SNX8: variants seen among roughly 807,000 people sequenced by gnomAD.
SNX8 encodes sorting nexin-8.
SNX8 carries 25 observed loss-of-function variants against 51.6 expected under a neutral mutation model. The ratio of observed to expected loss-of-function variants is 0.48; its 90% CI spans 0.35 to 0.68. The LOEUF (loss-of-function observed/expected upper bound fraction) is 0.68. SNX8 is among the 30% of genes least tolerant of loss of function. The pLI, the probability that SNX8 is intolerant of heterozygous loss-of-function variation, is 0.00. For missense variants in SNX8, 695 were observed against 624.0 expected (o/e 1.11, Z -1.21); for synonymous variants, 324 against 277.0 (o/e 1.17, Z -1.68).
chr7:2,339,196 G>A (rs1354652193), intron 1 of SNX8, among the ~76,000 whole-genome samples: 1 of 150,872 alleles, frequency 6.6e-6, no homozygotes, highest in Non-Finnish European at 1.5e-5. Context: ...GAGCCATTGT[G>A]CCCAGCCTTA....
chr7:2,326,651 GTCT>G (rs1778627472), intron 1 of SNX8, among the ~76,000 whole-genome samples: 2 of 151,908 alleles, frequency 1.3e-5, no homozygotes, highest in East Asian at 3.9e-4. Flanking sequence ...GGGCGACAGA[GTCT>G]CACTCCATCT....
chr7:2,336,489 A>G (rs571375273), intron 1 of SNX8, among the ~76,000 whole-genome samples: 9 of 152,124 alleles, frequency 5.9e-5, no homozygotes, highest in Non-Finnish European at 1.2e-4. Context: ...CAGGCAGATC[A>G]TGAGGTCAGG....
At chr7:2,261,113 G>C (rs1274158369) in intron 7 of SNX8, among the ~76,000 whole-genome samples, 1 of 152,174 alleles carries the variant, frequency 6.6e-6, no homozygotes, top group Non-Finnish European at 1.5e-5. Context: ...CACTGAGCTT[G>C]GGGGAAAGGG....
intron 5 of SNX8, among the ~76,000 whole-genome samples, chr7:2,269,035 A>C (rs1377956745): frequency 7.4e-6 from 1 of 135,380 alleles, no homozygotes; most frequent in East Asian, 2.2e-4. Context: ...GGTGTGCCCA[A>C]CAGCTCATTG....
intron 1 of SNX8, among the ~76,000 whole-genome samples, chr7:2,339,333 G>A (rs1192733458): frequency 2.6e-5 from 4 of 152,048 alleles, no homozygotes; most frequent in Admixed American, 1.3e-4. Flanking sequence ...AGCCTCCCGA[G>A]TAGCTGGGAC....
At position 2,257,066 on chromosome 7, in the gene SNX8, G is replaced by A. The variant is rs142012431; in HGVS notation, c.1135-43C>T. ...GCCTTTCGCACCCGGCCCAGCCGGC[G>A]ACGGGAGCACCAAGGCCCGAACACC... is the stretch of plus-strand genomic sequence containing the variant. On this transcript the variant is annotated intron_variant, in intron 9 of 10. Coordinates refer to ENST00000222990, the MANE Select transcript of SNX8 (RefSeq NM_013321.4). The A allele has an allele frequency of 3.0e-5, 46 of 1,550,962 alleles. No individual in the cohort carries two copies. The African/African-American group carries it at 5.0e-4, about 17-fold the overall frequency.
At chr7:2,349,214 A>C (rs1779093183) in intron 1 of SNX8, among the ~76,000 whole-genome samples, 1 of 151,522 alleles carries the variant, frequency 6.6e-6, no homozygotes, top group Non-Finnish European at 1.5e-5. Context: ...AAAAACAAAA[A>C]AAAAAAAAGT....
intron 1 of SNX8, among the ~76,000 whole-genome samples, chr7:2,351,699 C>A (rs573779473): frequency 2.6e-5 from 4 of 151,518 alleles, no homozygotes; most frequent in Admixed American, 2.6e-4. Flanking sequence ...GGTGTGGTGG[C>A]AGGCGCCTGT....
intron 1 of SNX8, among the ~76,000 whole-genome samples, chr7:2,325,045 G>T (rs1778599047): frequency 6.6e-6 from 1 of 152,166 alleles, no homozygotes; most frequent in African/African-American, 2.4e-5. Flanking sequence ...TATTGCCCAG[G>T]CCAGTCTCAA....
chr7:2,284,396 C>CTTTTTTTTTTTTTTT (rs751803296), intron 1 of SNX8, among the ~76,000 whole-genome samples: 1 of 88,908 alleles, frequency 1.1e-5, no homozygotes, highest in Non-Finnish European at 2.1e-5. Flanking sequence ...CTTTTATTTC[C>CTTTTTTTTTTTTTTT]TTTTTTTTTT....
intron 1 of SNX8, among the ~76,000 whole-genome samples, chr7:2,280,471 C>G (rs1324241331): frequency 6.7e-6 from 1 of 148,840 alleles, no homozygotes; most frequent in African/African-American, 2.5e-5. Flanking sequence ...AACAGAGACT[C>G]TGTCTCAAAA....
rs1007347924 is a variant in SNX8 at position 2,303,512 on chromosome 7, G to A, written c.94+10816C>T. On this transcript the variant is annotated intron_variant, in intron 1 of 10. Coordinates refer to ENST00000222990, the MANE Select transcript of SNX8 (RefSeq NM_013321.4). The stretch of plus-strand genomic sequence containing the variant: ...ACAATGGCGGTTTTGTGGAATAGAA[G>A]GGCGGGAAAGGTGGGGAAAAGATTG... 1.9e-3 allele frequency among the ~76,000 whole-genome samples: 285 copies of A among 152,356 alleles called. 5 individuals carry two copies. In the East Asian group the frequency reaches 0.049, roughly 26 times the overall value.
At chr7:2,352,320 G>GC (rs953133273) in intron 1 of SNX8, among the ~76,000 whole-genome samples, 5 of 151,926 alleles carry the variant, frequency 3.3e-5, no homozygotes, top group African/African-American at 7.2e-5. Flanking sequence ...AAACACAGTA[G>GC]CCCCCCCGAC....
intron 1 of SNX8, among the ~76,000 whole-genome samples, chr7:2,343,597 C>A (rs999288568): frequency 1.3e-5 from 2 of 152,026 alleles, no homozygotes; most frequent in Admixed American, 6.6e-5. Flanking sequence ...ATGGCGTAAA[C>A]CCGGGAGGCG....
At position 2,257,024 on chromosome 7, in the gene SNX8, C is replaced by T; in HGVS notation, c.1135-1G>A. The T allele has an allele frequency of 6.3e-7, 1 of 1,597,832 alleles. No homozygotes were observed. Among genetic ancestry groups the T allele is most frequent in the Non-Finnish European group, 8.5e-7 (1 of 1,169,634 alleles). On this transcript the variant is annotated splice_acceptor_variant, in intron 9 of 10. Coordinates refer to ENST00000222990, the MANE Select transcript of SNX8 (RefSeq NM_013321.4). LOFTEE classifies it high-confidence loss of function. ...CCATCGTCTGAATCGCGTTCTCCTGCTGCGGAGCAAACAGCCGCCTTTCGC... is the reference window on the plus strand; with the variant it reads ...CCATCGTCTGAATCGCGTTCTCCTGTTGCGGAGCAAACAGCCGCCTTTCGC...
chr7:2,257,681 C>G, intron 8 of SNX8, 54 bp downstream of exon 8: 1 of 1,595,898 alleles, frequency 6.3e-7, no homozygotes. Flanking sequence ...CTTGAAGGAT[C>G]CTAAGATCAT....
intron 4 of SNX8, among the ~76,000 whole-genome samples, chr7:2,269,900 C>CG (rs1241738243): frequency 3.3e-5 from 5 of 152,070 alleles, no homozygotes; most frequent in East Asian, 1.9e-4. Context: ...CATCCGCAGA[C>CG]GGGGGGCAGC....
upstream of SNX8, among the ~76,000 whole-genome samples, chr7:2,315,682 T>G (rs1796742152): frequency 6.7e-6 from 1 of 148,734 alleles, no homozygotes; most frequent in Non-Finnish European, 1.5e-5. Context: ...ACCAACCCAC[T>G]CACTGCATTC....
chr7:2,346,346 C>T (rs977119731), intron 1 of SNX8, among the ~76,000 whole-genome samples: 4 of 151,136 alleles, frequency 2.6e-5, no homozygotes, highest in Non-Finnish European at 4.4e-5. Flanking sequence ...CTGGGGAGGC[C>T]GAAACAGGAG....
Sources: gnomAD v4.1 joint callset for allele counts (sites outside exome capture counted in the v4.1 genomes callset) on GRCh38, gnomAD v4.1.1 for gene constraint, MANE v1.5 for transcripts, NCBI Gene and HGNC (gene_info 2026-07-23, HGNC 2026-07-21) for gene names.